ARHGEF10L: variants seen among roughly 807,000 people sequenced by gnomAD.
The protein encoded by ARHGEF10L is rho guanine nucleotide exchange factor 10-like protein.
A neutral mutation model predicts 141.2 loss-of-function variants in ARHGEF10L; 69 were observed. The ratio of observed to expected loss-of-function variants is 0.49; its 90% CI spans 0.40 to 0.60. ARHGEF10L has a LOEUF of 0.60. ARHGEF10L is among the 20% of genes least tolerant of loss of function. The probability of loss-of-function intolerance (pLI) is 0.00; values close to 1 mark genes in which losing one functional copy is unlikely to be tolerated. For missense variants in ARHGEF10L, 1,482 were observed against 1,734.3 expected, an observed-to-expected ratio of 0.85 and a Z score of 2.58; for synonymous variants, 711 against 718.5, an observed-to-expected ratio of 0.99 and a Z score of 0.17.
intron 16 of ARHGEF10L, among the ~76,000 whole-genome samples, chr1:17,632,793 C>A (rs1349040718): frequency 6.6e-6 from 1 of 152,184 alleles, no homozygotes; most frequent in Non-Finnish European, 1.5e-5. Flanking sequence ...TTGTGTCTAC[C>A]CCAGATCCCT....
At chr1:17,662,380 G>A (rs1487882070) in intron 25 of ARHGEF10L, among the ~76,000 whole-genome samples, 1 of 152,206 alleles carries the variant, frequency 6.6e-6, no homozygotes, top group African/African-American at 2.4e-5. Context: ...ATCATGCCCA[G>A]TGTGCAGATA....
intron 1 of ARHGEF10L, among the ~76,000 whole-genome samples, chr1:17,545,619 A>G (rs1266791357): frequency 6.6e-6 from 1 of 152,198 alleles, no homozygotes; most frequent in Non-Finnish European, 1.5e-5. Flanking sequence ...GGACAAATTA[A>G]GTAGCTTGGG....
At position 17,623,475 on chromosome 1, in the gene ARHGEF10L, C is replaced by T. The variant is rs968919595; in HGVS notation, c.1200+300C>T. Among the ~76,000 whole-genome samples the T allele has an allele frequency of 6.6e-5, 10 of 152,164 alleles. No homozygotes were observed. Among genetic ancestry groups the T allele is most frequent in the South Asian group, 4.1e-4 (2 of 4,826 alleles). The stretch of plus-strand genomic sequence containing the variant: ...CAGTCACTGTGGGCAGCCACCTGGC[C>T]GGTCACAAGCTCTCTTACCGAGCAC... On this transcript the variant is annotated intron_variant, in intron 12 of 28. Transcript: ENST00000361221. The surrounding 1 kb of genome is among the most constrained non-coding windows in gnomAD (Gnocchi z 4.7).
chr1:17,608,012 G>T, intron 7 of ARHGEF10L, 35 bp downstream of exon 7: 1 of 1,390,206 alleles, frequency 7.2e-7, no homozygotes, highest in Admixed American at 3.5e-5. Context: ...ACCTCAGTCA[G>T]GGCACGGAGA....
chr1:17,546,119 G>T (rs955095157), intron 1 of ARHGEF10L, among the ~76,000 whole-genome samples: 1 of 152,204 alleles, frequency 6.6e-6, no homozygotes, highest in African/African-American at 2.4e-5. Flanking sequence ...CCTGTCAGGG[G>T]CCTTGTGCTG....
At chr1:17,575,417 A>G (rs1221922064) in intron 1 of ARHGEF10L, among the ~76,000 whole-genome samples, 1 of 152,256 alleles carries the variant, frequency 6.6e-6, no homozygotes, top group Non-Finnish European at 1.5e-5. Context: ...GGTTTTGATG[A>G]CTGAACAGGA....
intron 26 of ARHGEF10L, among the ~76,000 whole-genome samples, chr1:17,678,525 C>T (rs57567973): frequency 0.06 from 9,032 of 151,052 alleles, 931 homozygotes; most frequent in African/African-American, 0.21. Flanking sequence ...GTTCAGGCGA[C>T]TCTCCGGTCT....
chr1:17,672,597 T>C (rs1002632307), intron 26 of ARHGEF10L, among the ~76,000 whole-genome samples: 2 of 152,314 alleles, frequency 1.3e-5, no homozygotes, highest in South Asian at 4.1e-4. Flanking sequence ...TGTGTCATTG[T>C]GGTTGTCACC....
intron 21 of ARHGEF10L, among the ~76,000 whole-genome samples, chr1:17,642,006 A>G (rs1403119985): frequency 6.6e-6 from 1 of 151,988 alleles, no homozygotes; most frequent in Non-Finnish European, 1.5e-5. Context: ...AAAAAGAAAA[A>G]AAAAAGAAGT....
intron 8 of ARHGEF10L, chr1:17,614,959 C>T (rs550580933): frequency 2.0e-5 from 3 of 152,382 alleles, no homozygotes; most frequent in Admixed American, 6.5e-5. Context: ...GAGACAACCC[C>T]ACCCCGCAGA....
intron 26 of ARHGEF10L, among the ~76,000 whole-genome samples, chr1:17,683,695 G>A (rs1050246278): frequency 6.6e-6 from 1 of 152,178 alleles, no homozygotes; most frequent in African/African-American, 2.4e-5. Context: ...TCCCCCGCCG[G>A]CCTCCCCGCT....
intron 4 of ARHGEF10L, among the ~76,000 whole-genome samples, chr1:17,600,206 C>T (rs925776630): frequency 1.3e-5 from 2 of 152,226 alleles, no homozygotes; most frequent in Non-Finnish European, 2.9e-5. Flanking sequence ...GCCTGGCTCA[C>T]AGGAGGTGCT....
At chr1:17,585,160 G>A (rs964726711) in intron 2 of ARHGEF10L, among the ~76,000 whole-genome samples, 1 of 152,172 alleles carries the variant, frequency 6.6e-6, no homozygotes, top group African/African-American at 2.4e-5. Context: ...AAACTTATGA[G>A]CTACCAGGGG....
the ARHGEF10L span, among the ~76,000 whole-genome samples, chr1:17,521,510 AT>A: frequency 1.1e-4 from 17 of 152,306 alleles, no homozygotes; most frequent in Admixed American, 9.2e-4. Context: ...AGCCTCTTTC[AT>A]TTGCATGACC....
At chr1:17,688,799 C>T (rs2064831880) in intron 27 of ARHGEF10L, among the ~76,000 whole-genome samples, 1 of 152,124 alleles carries the variant, frequency 6.6e-6, no homozygotes, top group African/African-American at 2.4e-5. Flanking sequence ...GGGACCTCTG[C>T]CTACCCCAGG....
chr1:17,686,986 A>T (rs898230403), intron 26 of ARHGEF10L, among the ~76,000 whole-genome samples: 1 of 152,006 alleles, frequency 6.6e-6, no homozygotes, highest in Non-Finnish European at 1.5e-5. Flanking sequence ...CTCAGGACCC[A>T]AACTTGTTCA....
intron 15 of ARHGEF10L, among the ~76,000 whole-genome samples, chr1:17,631,459 C>A (rs2060686992): frequency 6.6e-6 from 1 of 152,212 alleles, no homozygotes; most frequent in Admixed American, 6.5e-5. Flanking sequence ...TGTTCCAACT[C>A]TGTCATGAGG....
rs979889864 is a variant in ARHGEF10L, at chr1:17,644,461, C to T, written c.2273-4093C>T. The stretch of plus-strand genomic sequence containing the variant: ...CCGAGGGCGTGGCCTTGGAGTCCGA[C>T]CCTGGTTTTACCCCAGCTGGGAGAC... On this transcript the variant is annotated intron_variant, in intron 21 of 28. Coordinates refer to ENST00000361221, the MANE Select transcript of ARHGEF10L (RefSeq NM_018125.4). This position sits in a 1 kb window ranked among gnomAD's most constrained non-coding sequence, Gnocchi z 4.5. 5.3e-5 allele frequency among the ~76,000 whole-genome samples: 8 copies of T among 152,214 alleles called. No homozygotes were observed. The highest frequency in any genetic ancestry group is 5.2e-4 in the Admixed American group (8 of 15,286).
chr1:17,526,007 AAAAAAAAAAAAG>A, the ARHGEF10L span, among the ~76,000 whole-genome samples: 5 of 151,496 alleles, frequency 3.3e-5, no homozygotes, highest in South Asian at 1.0e-3. Context: ...GTCTCAAAAA[AAAAAAAAAAAAG>A]AAAAGAAAAA....
Sources: allele counts gnomAD v4.1 joint callset (sites outside exome capture counted in the v4.1 genomes callset), GRCh38; gene constraint gnomAD v4.1.1; non-coding constraint Gnocchi (gnomAD v3.1); transcripts MANE v1.5; gene names NCBI Gene and HGNC (gene_info 2026-07-23, HGNC 2026-07-21).